Variants in CCDC88A observed in about 807,000 individuals in gnomAD.
CCDC88A encodes the protein girdin.
In CCDC88A, 54 loss-of-function variants were observed where a neutral mutation model predicts 234.3. That is an observed-to-expected ratio of 0.23 (90% CI 0.19 to 0.29). CCDC88A has a LOEUF of 0.29. Among genes scored for constraint, CCDC88A ranks in the 10% least tolerant of loss-of-function variants. The pLI is 1.00. For missense variants in CCDC88A, 1,832 were observed against 2,123.4 expected, an observed-to-expected ratio of 0.86 and a Z score of 2.70; for synonymous variants, 753 against 737.8, an observed-to-expected ratio of 1.02 and a Z score of -0.33.
intron 3 of CCDC88A, among the ~76,000 whole-genome samples, chr2:55,380,794 T>C (rs1347505712): frequency 1.3e-5 from 2 of 152,042 alleles, no homozygotes; most frequent in African/African-American, 2.4e-5. Context: ...TTTTTGTATT[T>C]TTATTGGAGA....
chr2:55,340,230 T>A lies in CCDC88A; in HGVS notation c.1334-582A>T, dbSNP rs527846040. 5.3e-5 allele frequency: 8 copies of A among 152,354 alleles called. No individual in the cohort carries two copies. In the South Asian group the frequency reaches 6.2e-4, roughly 12 times the overall value. The allele number at this position is 152,354 out of a possible 1,614,324, so 9.4% of individuals were successfully genotyped here. On this transcript the variant is annotated intron_variant, in intron 12 of 32. Coordinates refer to ENST00000436346, the MANE Select transcript of CCDC88A (RefSeq NM_001365480.1). ...GCAGACCCATTAAATATTTTGCTGA[T>A]ATAAGAACATTAGGATTTACAAATG...
chr2:55,310,824 T>G (rs560730882), intron 23 of CCDC88A, among the ~76,000 whole-genome samples: 1 of 152,208 alleles, frequency 6.6e-6, no homozygotes, highest in African/African-American at 2.4e-5. Context: ...ATTTGAAAAG[T>G]TGTTAACAAG....
rs1202331606 is a variant in CCDC88A, at chr2:55,418,933, G to C, written c.64-17C>G. On this transcript the variant is annotated splice_polypyrimidine_tract_variant and intron_variant, in intron 1 of 32. Transcript: ENST00000436346. ...CGTTTTAACCTAGAACAAACAGAAG[G>C]ATCACCACGACATGAACGCCCACCT... The C allele has an allele frequency of 3.7e-6, 6 of 1,609,140 alleles. No homozygotes were observed. Among genetic ancestry groups the C allele is most frequent in the Admixed American group, 1.7e-5 (1 of 60,000 alleles).
chr2:55,291,602 C>T (rs551856935), intron 32 of CCDC88A, 74 bp downstream of exon 32: 49 of 612,802 alleles, frequency 8.0e-5, no homozygotes, highest in Non-Finnish European at 1.3e-4. Flanking sequence ...GCAATGTGCA[C>T]TTGTTTCACA....
intron 23 of CCDC88A, among the ~76,000 whole-genome samples, chr2:55,312,194 A>T (rs1355722542): frequency 3.3e-5 from 5 of 152,166 alleles, no homozygotes; most frequent in Non-Finnish European, 5.9e-5. Context: ...CCATTATAGA[A>T]TTACTGTATT....
rs746161023 is a variant in CCDC88A at position 55,334,694 on chromosome 2, A to G, written c.2127T>C (p.Asn709=). Residue 709 remains asparagine (N), a synonymous_variant, in exon 15 of 33, where the codon AAT becomes AAC. Transcript: ENST00000436346. The surrounding 1 kb of genome is among the most constrained non-coding windows in gnomAD (Gnocchi z 6.1). The part of the protein sequence containing the change: ...LDEENLELRR[N]VESLKCASMK... ...TGCTTGCACACTTCAAAGATTCTAC[A>G]TTCCTTCGCAGTTCTAAGTTTTCCT... The G allele has an allele frequency of 6.2e-7, 1 of 1,613,592 alleles. No individual in the cohort carries two copies. Among genetic ancestry groups the G allele is most frequent in the Non-Finnish European group, 8.5e-7 (1 of 1,179,754 alleles).
At chr2:55,340,292 T>C (rs1336069690) in intron 12 of CCDC88A, 1 of 152,334 alleles carries the variant, frequency 6.6e-6, no homozygotes, top group Non-Finnish European at 1.5e-5. Flanking sequence ...AGGAAATGAA[T>C]AAAGGTACTG....
intron 2 of CCDC88A, among the ~76,000 whole-genome samples, chr2:55,390,907 A>G (rs1676534161): frequency 6.6e-6 from 1 of 152,118 alleles, no homozygotes; most frequent in Non-Finnish European, 1.5e-5. Context: ...TGGGAAGCTA[A>G]AACGGGAGGA....
At chr2:55,295,251 T>C in intron 31 of CCDC88A, 3 of 1,354,708 alleles carry the variant, frequency 2.2e-6, no homozygotes, top group Non-Finnish European at 2.9e-6. Context: ...TGCAGGTTTA[T>C]CCAAAGAGGC....
intron 25 of CCDC88A, among the ~76,000 whole-genome samples, chr2:55,303,841 T>G (rs569421324): frequency 3.0e-4 from 46 of 152,220 alleles, no homozygotes; most frequent in African/African-American, 1.1e-3. Context: ...ATGATGAAAA[T>G]GTACAAGGCT....
At chr2:55,355,827 C>G in intron 7 of CCDC88A, 76 bp from the exon 8 acceptor site, 1 of 1,144,628 alleles carries the variant, frequency 8.7e-7, no homozygotes, top group Non-Finnish European at 1.3e-6. Context: ...TCCACTAGGT[C>G]TAAGAATTGT....
chr2:55,412,569 G>C (rs1350497057), intron 2 of CCDC88A, among the ~76,000 whole-genome samples: 1 of 152,150 alleles, frequency 6.6e-6, no homozygotes, highest in Non-Finnish European at 1.5e-5. Context: ...CTCCTCATAA[G>C]AATCTAATGG....
At chr2:55,388,924 A>G (rs1334167737) in intron 2 of CCDC88A, 38 bp from the exon 3 acceptor site, 2 of 693,906 alleles carry the variant, frequency 2.9e-6, no homozygotes. Context: ...ATTACATAAA[A>G]TACTACTATC....
chr2:55,338,633 G>T (rs1235580645), intron 13 of CCDC88A, among the ~76,000 whole-genome samples: 1 of 152,196 alleles, frequency 6.6e-6, no homozygotes, highest in Non-Finnish European at 1.5e-5. Context: ...CAGAGAAATG[G>T]CTGTCTCCAG....
chr2:55,349,465 A>G (rs1669595338), intron 9 of CCDC88A, 53 bp downstream of exon 9: 6 of 1,273,094 alleles, frequency 4.7e-6, no homozygotes, highest in Non-Finnish European at 6.8e-6. Context: ...AAGGAAGAAA[A>G]TCAATTTCCA....
intron 7 of CCDC88A, chr2:55,356,924 T>C (rs1361697243): frequency 2.6e-5 from 4 of 151,958 alleles, no homozygotes; most frequent in Admixed American, 2.6e-4. Context: ...TAAAATAAAA[T>C]AAAATTCAGT....
chr2:55,385,902 T>G (rs1199302895), intron 3 of CCDC88A, among the ~76,000 whole-genome samples: 1 of 118,200 alleles, frequency 8.5e-6, no homozygotes, highest in Non-Finnish European at 1.7e-5. Flanking sequence ...GTAACAAAAA[T>G]TAGAGAGCTA....
At chr2:55,324,105 T>C (rs1391240348) in intron 17 of CCDC88A, 2 of 152,118 alleles carry the variant, frequency 1.3e-5, no homozygotes, top group Admixed American at 1.3e-4. Flanking sequence ...ATATTCAGAG[T>C]CTAAAGATAA....
At chr2:55,377,020 G>T (rs991811916) in intron 3 of CCDC88A, among the ~76,000 whole-genome samples, 2 of 151,972 alleles carry the variant, frequency 1.3e-5, no homozygotes, top group East Asian at 1.9e-4. Flanking sequence ...TTTTAGTAGA[G>T]ACAGGGTTTC....
Sources: gnomAD v4.1 joint callset for allele counts (sites outside exome capture counted in the v4.1 genomes callset) on GRCh38, gnomAD v4.1.1 for gene constraint, Gnocchi (gnomAD v3.1) non-coding constraint, MANE v1.5 for transcripts, NCBI Gene and HGNC (gene_info 2026-07-23, HGNC 2026-07-21) for gene names.